The following PLEK variants were observed in gnomAD, a reference collection of about 807,000 sequenced individuals.
PLEK encodes the protein pleckstrin.
PLEK carries 25 observed loss-of-function variants against 43.9 expected under a neutral mutation model. The observed-to-expected ratio is 0.57, with a 90% CI of 0.41 to 0.79. The LOEUF (loss-of-function observed/expected upper bound fraction) is 0.79, where lower values mean the gene tolerates loss of function less well. PLEK is among the 30% of genes least tolerant of loss of function. PLEK has a pLI of 0.00. For synonymous variants in PLEK, 152 were observed against 144.4 expected (o/e 1.05, Z -0.38); for missense variants, 396 against 413.3 (o/e 0.96, Z 0.36).
At chr2:68,365,502 G>A (rs1673250905) in intron 1 of PLEK, 109 bp downstream of exon 1, 3 of 921,210 alleles carry the variant, frequency 3.3e-6, no homozygotes, top group South Asian at 2.7e-5. Context: ...TGTTCAACCA[G>A]TTGGGTTGAA....
At chr2:68,365,604 A>G in intron 1 of PLEK, 1 of 513,950 alleles carries the variant, frequency 1.9e-6, no homozygotes, top group Non-Finnish European at 3.6e-6. Context: ...GTTTGATATT[A>G]CGGGTCTGAG....
At chr2:68,393,056 C>A (rs1013370663) in intron 6 of PLEK, 106 bp from the exon 7 acceptor site, 5 of 781,814 alleles carry the variant, frequency 6.4e-6, no homozygotes, top group Non-Finnish European at 1.1e-5. Flanking sequence ...ATTTCATTTT[C>A]TCTTTCTTTT....
Position 68,394,167 on chromosome 2 carries a change from A to T in PLEK, c.907A>T (p.Asn303Tyr). 2 of 1,597,210 alleles carry T rather than the reference A, an allele frequency of 1.3e-6. No homozygotes were observed. Among genetic ancestry groups the T allele is most frequent in the Non-Finnish European group, 1.7e-6 (2 of 1,164,630 alleles). ...RGCVVTSVESNSNGRKSEEEN... is the reference protein window; with the variant it reads ...RGCVVTSVESYSNGRKSEEEN... ...CTGTGTGGTGACTTCAGTGGAGAGC[A>T]ACTCAAATGGTAAGATGAATTTCTG... The change falls in exon 8 of 9, where the codon AAC becomes TAC. Residue 303 changes from asparagine to tyrosine, a missense_variant. By Grantham distance (143) the Asn-to-Tyr change is moderately radical. Coordinates refer to ENST00000234313, the MANE Select transcript of PLEK (RefSeq NM_002664.3).
chr2:68,379,022 T>C (rs904173790), intron 1 of PLEK, among the ~76,000 whole-genome samples: 1 of 152,062 alleles, frequency 6.6e-6, no homozygotes, highest in Non-Finnish European at 1.5e-5. Flanking sequence ...TAATCCCAGC[T>C]ACCTGGGAGG....
intron 1 of PLEK, among the ~76,000 whole-genome samples, chr2:68,365,890 T>TA (rs1221929735): frequency 2.0e-5 from 3 of 152,168 alleles, no homozygotes; most frequent in South Asian, 2.1e-4. Flanking sequence ...TTGACACGTT[T>TA]AAAAAAAACC....
chr2:68,386,443 T>G, intron 4 of PLEK, 59 bp from the exon 5 acceptor site: 1 of 1,379,336 alleles, frequency 7.2e-7, no homozygotes, highest in Non-Finnish European at 1.0e-6. Context: ...CAGGGGTGAT[T>G]GTCAGGGGCT....
intron 4 of PLEK, among the ~76,000 whole-genome samples, chr2:68,385,002 C>A (rs1392182833): frequency 1.3e-5 from 2 of 152,196 alleles, no homozygotes; most frequent in Non-Finnish European, 2.9e-5. Context: ...TATCCAACTG[C>A]TGTCACTCCT....
Position 68,388,404 on chromosome 2 carries a change from C to T in PLEK, c.675C>T (p.Phe225=), listed in dbSNP as rs760764368. The change falls in exon 6 of 9, where the codon TTC becomes TTT. Residue 225 remains phenylalanine (F), a synonymous_variant. Transcript: ENST00000234313. ...TCCAACAGCCAGACAGTGGGTTCTTCTGTGAAGAGAATTCCAGTGATGATG... is the reference window on the plus strand; with the variant it reads ...TCCAACAGCCAGACAGTGGGTTCTTTTGTGAAGAGAATTCCAGTGATGATG... ...AFYYFPDSGF[F]CEENSSDDDV... is the part of the protein sequence containing the mutation. 34 of 1,607,278 alleles carry T rather than the reference C, an allele frequency of 2.1e-5. No homozygotes were observed. The highest frequency in any genetic ancestry group is 2.8e-5 in the Non-Finnish European group (33 of 1,173,952).
chr2:68,392,137 C>T (rs989703043), intron 6 of PLEK, among the ~76,000 whole-genome samples: 4 of 151,690 alleles, frequency 2.6e-5, no homozygotes, highest in African/African-American at 9.7e-5. Context: ...TTCCTCTTTC[C>T]TTCCTCCTAC....
chr2:68,366,669 C>T (rs781726989), intron 1 of PLEK, among the ~76,000 whole-genome samples: 1 of 152,148 alleles, frequency 6.6e-6, no homozygotes, highest in Non-Finnish European at 1.5e-5. Context: ...ATCTCTGTAG[C>T]CAGCTGTGCT....
chr2:68,366,135 G>A (rs1673269104), intron 1 of PLEK, among the ~76,000 whole-genome samples: 1 of 152,174 alleles, frequency 6.6e-6, no homozygotes, highest in African/African-American at 2.4e-5. Context: ...TTCACACATA[G>A]GACTTGGTGT....
chr2:68,377,821 A>G (rs1351116563), intron 1 of PLEK, among the ~76,000 whole-genome samples: 1 of 152,166 alleles, frequency 6.6e-6, no homozygotes, highest in African/African-American at 2.4e-5. Context: ...CTGTGCTTAT[A>G]GGGTATTGCT....
At chr2:68,388,760 T>C (rs547825436) in intron 6 of PLEK, among the ~76,000 whole-genome samples, 1 of 150,834 alleles carries the variant, frequency 6.6e-6, no homozygotes, top group South Asian at 2.1e-4. Context: ...TCAAGAAAAA[T>C]ATGGCCGGAG....
intron 5 of PLEK, among the ~76,000 whole-genome samples, 158 bp downstream of exon 5, chr2:68,386,844 T>C (rs1285879632): frequency 1.3e-5 from 2 of 152,166 alleles, no homozygotes; most frequent in African/African-American, 4.8e-5. Flanking sequence ...CCCAGGCCCA[T>C]TTAGAGCTTC....
rs186858833 is a variant in PLEK at position 68,385,425 on chromosome 2, G to A, written c.473-1077G>A. On this transcript the variant is annotated intron_variant, in intron 4 of 8. Coordinates refer to ENST00000234313, the MANE Select transcript of PLEK (RefSeq NM_002664.3). ...AGACTCTGCAAAGTCATGACAATCA[G>A]TGCAGGTGATGTCATCAAATTTTAA... Among the ~76,000 whole-genome samples, 517 of 152,290 alleles carry A rather than the reference G, an allele frequency of 3.4e-3. 3 individuals are homozygous for A. The highest frequency in any genetic ancestry group is 6.8e-3 in the Middle Eastern group (2 of 294).
intron 1 of PLEK, among the ~76,000 whole-genome samples, chr2:68,379,193 A>C (rs1482611102): frequency 6.6e-6 from 1 of 152,174 alleles, no homozygotes; most frequent in African/African-American, 2.4e-5. Flanking sequence ...TGCTTGAGCT[A>C]GATCATCTAA....
In PLEK at chr2:68,393,640, C is replaced by T. The variant is rs1370951690; in HGVS notation, c.846+395C>T. ...TCCAGCAATTTGGGCTGTTGATTGTCGAAGAGGACTTTTTCCACCATAAAA... is the reference window on the plus strand; with the variant it reads ...TCCAGCAATTTGGGCTGTTGATTGTTGAAGAGGACTTTTTCCACCATAAAA... On this transcript the variant is annotated intron_variant, in intron 7 of 8. Transcript: ENST00000234313. Among the ~76,000 whole-genome samples the T allele has an allele frequency of 6.6e-5, 10 of 152,200 alleles. No homozygotes were observed. The East Asian group carries it at 1.2e-3, about 18-fold the overall frequency.
chr2:68,395,617 AG>A, intron 8 of PLEK, 62 bp from the exon 9 acceptor site: 1 of 1,570,272 alleles, frequency 6.4e-7, no homozygotes. Flanking sequence ...CTTGCAGAGG[AG>A]GGTGGAGCAA....
chr2:68,391,635 G>A (rs1673860615), intron 6 of PLEK, among the ~76,000 whole-genome samples: 1 of 152,290 alleles, frequency 6.6e-6, no homozygotes, highest in East Asian at 1.9e-4. Flanking sequence ...ATTTCTGAAA[G>A]CTTCCTTGAA....
Sources: gnomAD v4.1 joint callset for allele counts (sites outside exome capture counted in the v4.1 genomes callset) on GRCh38, gnomAD v4.1.1 for gene constraint, MANE v1.5 for transcripts, NCBI Gene and HGNC (gene_info 2026-07-23, HGNC 2026-07-21) for gene names.